NKAIN2: variants seen among roughly 807,000 people sequenced by gnomAD.
NKAIN2 encodes the protein sodium/potassium transporting ATPase interacting 2.
A neutral mutation model predicts 32.6 loss-of-function variants in NKAIN2; 14 were observed. That is an observed-to-expected ratio of 0.43 (90% CI 0.28 to 0.67). The LOEUF is 0.67. NKAIN2 is among the 30% of genes least tolerant of loss of function. The pLI is 0.17. For synonymous variants in NKAIN2, 80 were observed against 87.2 expected, an observed-to-expected ratio of 0.92 and a Z score of 0.46; for missense variants, 198 against 258.3, an observed-to-expected ratio of 0.77 and a Z score of 1.60.
chr6:123,932,770 C>CTTT (rs5879707), intron 1 of NKAIN2, among the ~76,000 whole-genome samples: 1 of 138,698 alleles, frequency 7.2e-6, no homozygotes, highest in East Asian at 2.1e-4. Flanking sequence ...CGTTTGGGGA[C>CTTT]TTTTTTTTTT....
At chr6:123,846,284 C>G (rs1240873574) in intron 1 of NKAIN2, among the ~76,000 whole-genome samples, 1 of 152,082 alleles carries the variant, frequency 6.6e-6, no homozygotes, top group Non-Finnish European at 1.5e-5. Context: ...TAGTTAAGTC[C>G]TCATAGGCTA....
At chr6:123,969,229 C>T (rs1207726644) in intron 1 of NKAIN2, among the ~76,000 whole-genome samples, 1 of 151,928 alleles carries the variant, frequency 6.6e-6, no homozygotes, top group African/African-American at 2.4e-5. Flanking sequence ...ATGGCAAGCG[C>T]CTTAGGTATT....
At chr6:124,407,458 T>C (rs1304534607) in intron 3 of NKAIN2, among the ~76,000 whole-genome samples, 2 of 151,946 alleles carry the variant, frequency 1.3e-5, no homozygotes, top group Non-Finnish European at 2.9e-5. Context: ...TGGTTTTTTG[T>C]CCTTGCAATA....
At chr6:124,041,730 A>G (rs1781881950) in intron 1 of NKAIN2, among the ~76,000 whole-genome samples, 3 of 152,118 alleles carry the variant, frequency 2.0e-5, no homozygotes, top group Admixed American at 2.0e-4. Context: ...AAAGGGAAAA[A>G]AACAGTTTAT....
chr6:124,649,045 A>G (rs538992076), intron 3 of NKAIN2, among the ~76,000 whole-genome samples: 9 of 152,322 alleles, frequency 5.9e-5, no homozygotes, highest in Admixed American at 3.3e-4. Context: ...TCTAAAATCA[A>G]TAAGCTAACC....
At chr6:124,225,134 G>A (rs1327419289) in intron 1 of NKAIN2, among the ~76,000 whole-genome samples, 1 of 151,884 alleles carries the variant, frequency 6.6e-6, no homozygotes, top group Non-Finnish European at 1.5e-5. Context: ...AAAAAATAAA[G>A]ATGAAATAAT....
At chr6:124,085,928 G>A (rs979509309) in intron 1 of NKAIN2, among the ~76,000 whole-genome samples, 3 of 151,786 alleles carry the variant, frequency 2.0e-5, no homozygotes, top group African/African-American at 7.3e-5. Flanking sequence ...AAAACAAAAG[G>A]CATAATATTT....
At chr6:124,702,136 T>C (rs1774822056) in intron 4 of NKAIN2, among the ~76,000 whole-genome samples, 2 of 152,116 alleles carry the variant, frequency 1.3e-5, no homozygotes, top group African/African-American at 2.4e-5. Flanking sequence ...TATTTGCCTA[T>C]CAAATATGCA....
chr6:124,270,931 G>T (rs945115478), intron 1 of NKAIN2, among the ~76,000 whole-genome samples: 10 of 152,140 alleles, frequency 6.6e-5, no homozygotes, highest in African/African-American at 2.4e-4. Context: ...ATTTGGCTTT[G>T]TGTCCCCACC....
intron 2 of NKAIN2, among the ~76,000 whole-genome samples, chr6:124,336,834 G>A (rs184136195): frequency 8.6e-5 from 13 of 151,580 alleles, no homozygotes; most frequent in African/African-American, 1.4e-4. Context: ...CCCCACACCC[G>A]GCTAATTTTT....
intron 1 of NKAIN2, among the ~76,000 whole-genome samples, chr6:123,963,417 T>G (rs1475413430): frequency 6.6e-6 from 1 of 151,720 alleles, no homozygotes; most frequent in African/African-American, 2.4e-5. Flanking sequence ...TACAGGGAAG[T>G]GTTGAGAGAA....
At chr6:124,564,492 C>T (rs1025500536) in intron 3 of NKAIN2, among the ~76,000 whole-genome samples, 2 of 152,110 alleles carry the variant, frequency 1.3e-5, no homozygotes, top group African/African-American at 4.8e-5. Flanking sequence ...CCAACCCCCC[C>T]CTCCCCCACC....
chr6:124,486,899 CTTTAA>C (rs992333420), intron 3 of NKAIN2, among the ~76,000 whole-genome samples: 31 of 151,970 alleles, frequency 2.0e-4, no homozygotes, highest in African/African-American at 7.5e-4. Context: ...GATTATGATT[CTTTAA>C]TTTAAGACAG....
intron 4 of NKAIN2, among the ~76,000 whole-genome samples, chr6:124,668,001 T>G (rs1399973276): frequency 6.6e-6 from 1 of 152,114 alleles, no homozygotes; most frequent in Non-Finnish European, 1.5e-5. Flanking sequence ...ATTATTCTCT[T>G]GCCTTTTCCT....
chr6:123,846,153 A>C (rs769002479), intron 1 of NKAIN2, among the ~76,000 whole-genome samples: 5 of 152,180 alleles, frequency 3.3e-5, no homozygotes, highest in Admixed American at 6.5e-5. Context: ...AGCAGCACTC[A>C]GTGTGTATAT....
intron 3 of NKAIN2, among the ~76,000 whole-genome samples, chr6:124,421,079 A>ATT (rs1562173420): frequency 5.1e-5 from 7 of 138,024 alleles, no homozygotes; most frequent in African/African-American, 1.2e-4. Flanking sequence ...AAAATTAAAA[A>ATT]AAAAAAAAAA....
chr6:124,516,147 A>C lies in NKAIN2; in HGVS notation c.274-142039A>C, dbSNP rs1037589776. On this transcript the variant is annotated intron_variant, in intron 3 of 6. Transcript: ENST00000368417. Reference sequence around the variant, plus strand: ...TGGAGCAAGGAATAAACAATAAGCAATATGTAAGACAGTAGATAGTGTTCT... The same window carrying C: ...TGGAGCAAGGAATAAACAATAAGCACTATGTAAGACAGTAGATAGTGTTCT... Among the ~76,000 whole-genome samples the C allele has an allele frequency of 1.9e-3, 293 of 152,298 alleles. 1 individual carries two copies. Among genetic ancestry groups the C allele is most frequent in the Non-Finnish European group, 8.4e-4 (57 of 68,024 alleles).
intron 1 of NKAIN2, among the ~76,000 whole-genome samples, chr6:123,954,396 A>C (rs1200131940): frequency 6.9e-6 from 1 of 144,916 alleles, no homozygotes; most frequent in Non-Finnish European, 1.5e-5. Flanking sequence ...AGGATGGTGG[A>C]CTATAGGGGT....
intron 3 of NKAIN2, among the ~76,000 whole-genome samples, chr6:124,565,458 A>G (rs1780873903): frequency 6.6e-6 from 1 of 152,234 alleles, no homozygotes; most frequent in Admixed American, 6.5e-5. Context: ...AGACTATTGT[A>G]ATGTGATATG....
Sources: allele counts gnomAD v4.1 joint callset (sites outside exome capture counted in the v4.1 genomes callset), GRCh38; gene constraint gnomAD v4.1.1; transcripts MANE v1.5; gene names NCBI Gene and HGNC (gene_info 2026-07-23, HGNC 2026-07-21).